The following PLIN2 variants were observed in gnomAD, a reference collection of about 807,000 sequenced individuals.
PLIN2 encodes the protein perilipin-2.
A neutral mutation model predicts 30.6 loss-of-function variants in PLIN2; 33 were observed. The ratio of observed to expected loss-of-function variants is 1.08; its 90% confidence interval spans 0.82 to 1.44. PLIN2 has a LOEUF of 1.44. Ranked by LOEUF, PLIN2 falls within the 40% of genes most tolerant of loss-of-function variation. The probability of loss-of-function intolerance (pLI) is 0.00; values close to 1 mark genes in which losing one functional copy is unlikely to be tolerated. For missense variants in PLIN2, 610 were observed against 531.8 expected, an observed-to-expected ratio of 1.15 and a Z score of -1.45; for synonymous variants, 205 against 201.1, an observed-to-expected ratio of 1.02 and a Z score of -0.16.
At position 19,126,287 on chromosome 9, in the gene PLIN2, T is replaced by C. The variant is rs202143072; in HGVS notation, c.53A>G (p.Asn18Ser). 1.5e-5 allele frequency: 25 copies of C among 1,614,036 alleles called. No individual in the cohort carries two copies. Among genetic ancestry groups the C allele is most frequent in the Middle Eastern group, 1.6e-4 (1 of 6,062 alleles). The change falls in exon 3 of 8, where the codon AAC (asparagine) becomes AGC (serine). Residue 18 changes from asparagine (N) to serine (S), a missense_variant. By Grantham distance (46) the Asn-to-Ser change is conservative. Coordinates refer to ENST00000276914, the MANE Select transcript of PLIN2 (RefSeq NM_001122.4). ...PQPSVVTRVV[N>S]LPLVSSTYDL... ...ATACGTGGAGCTCACCAAGGGCAGG[T>C]TGACCACCCGAGTCACCACACTCTG...
intron 3 of PLIN2, 96 bp from the exon 4 acceptor site, chr9:19,123,743 G>A (rs1588647180): frequency 3.7e-6 from 4 of 1,083,462 alleles, no homozygotes; most frequent in Non-Finnish European, 4.0e-6. Flanking sequence ...ATAATGGGCT[G>A]GGCACGGTGG....
At chr9:19,112,898 C>T (rs926626452), downstream of PLIN2, among the ~76,000 whole-genome samples, 1 of 152,020 alleles carries the variant, frequency 6.6e-6, no homozygotes, top group African/African-American at 2.4e-5. Context: ...TTTTATTCTG[C>T]CCCTGCTCAG....
intron 4 of PLIN2, 97 bp from the exon 5 acceptor site, chr9:19,121,262 G>A (rs1295253527): frequency 3.1e-5 from 34 of 1,081,512 alleles, no homozygotes; most frequent in Middle Eastern, 2.6e-4. Flanking sequence ...AAGAGTTAAA[G>A]AAGGAATCTA....
At chr9:19,118,193 A>C (rs779969766) in intron 7 of PLIN2, 128 bp downstream of exon 7, 20 of 891,716 alleles carry the variant, frequency 2.2e-5, no homozygotes, top group Middle Eastern at 2.3e-4. Context: ...CTAGCCACCT[A>C]TGTACATGGT....
chr9:19,114,130 G>A (rs1380242495), downstream of PLIN2, among the ~76,000 whole-genome samples: 1 of 152,020 alleles, frequency 6.6e-6, no homozygotes, highest in Non-Finnish European at 1.5e-5. Flanking sequence ...GGCCAGGCTG[G>A]TCTCAAACTC....
At chr9:19,120,168 C>T (rs1227313326) in intron 5 of PLIN2, among the ~76,000 whole-genome samples, 1 of 151,966 alleles carries the variant, frequency 6.6e-6, no homozygotes, top group Non-Finnish European at 1.5e-5. Context: ...AACTGATCCT[C>T]TCACCTCAGC....
At chr9:19,122,777 C>T (rs965163790) in intron 4 of PLIN2, among the ~76,000 whole-genome samples, 1 of 152,026 alleles carries the variant, frequency 6.6e-6, no homozygotes, top group African/African-American at 2.4e-5. Context: ...CGTGCATGCT[C>T]CTTATGAGAA....
chr9:19,110,099 C>G (rs563621856), intron 2 of PLIN2, among the ~76,000 whole-genome samples: 4 of 152,246 alleles, frequency 2.6e-5, no homozygotes, highest in Admixed American at 2.0e-4. Context: ...TCTCAGCTGT[C>G]TGCAACCTCA....
At position 19,116,662 on chromosome 9, in the gene PLIN2, C is replaced by T. The variant is rs1818233212; in HGVS notation, c.913-13G>A. 1 of 1,606,086 alleles carries T rather than the reference C, an allele frequency of 6.2e-7. No homozygotes were observed. The highest frequency in any genetic ancestry group is 8.5e-7 in the Non-Finnish European group (1 of 1,174,224). On this transcript the variant is annotated splice_polypyrimidine_tract_variant and intron_variant, in intron 7 of 7. Coordinates refer to ENST00000276914, the MANE Select transcript of PLIN2 (RefSeq NM_001122.4). ...GTGACTCAATGTGCTAAAAATAAAACTTAAAATTAGCAGTGGATCCAACAG... is the reference window on the plus strand; with the variant it reads ...GTGACTCAATGTGCTAAAAATAAAATTTAAAATTAGCAGTGGATCCAACAG...
chr9:19,114,285 A>G (rs1278907752), downstream of PLIN2, among the ~76,000 whole-genome samples: 1 of 152,168 alleles, frequency 6.6e-6, no homozygotes, highest in Non-Finnish European at 1.5e-5. Context: ...CCTTGTTTTC[A>G]TGGAGAGAAA....
At chr9:19,125,103 G>A (rs1399858337) in intron 3 of PLIN2, among the ~76,000 whole-genome samples, 1 of 152,194 alleles carries the variant, frequency 6.6e-6, no homozygotes, top group Non-Finnish European at 1.5e-5. Flanking sequence ...CTAAGTATGA[G>A]AGTATGAGAT....
chr9:19,117,254 G>C lies in PLIN2; in HGVS notation c.913-605C>G, dbSNP rs117881925. Among the ~76,000 whole-genome samples the C allele has an allele frequency of 2.6e-4, 40 of 151,438 alleles. No individual in the cohort carries two copies. The East Asian group carries it at 4.5e-3, about 17-fold the overall frequency. The stretch of plus-strand genomic sequence containing the variant: ...TGGCTCACTGCGGACCCGACCTCTC[G>C]GGCTTAGGTGATCCTCCCACCTCAG... On this transcript the variant is annotated intron_variant, in intron 7 of 7. Coordinates refer to ENST00000276914, the MANE Select transcript of PLIN2 (RefSeq NM_001122.4).
In PLIN2 at chr9:19,126,406, A is replaced by C. The variant is rs756045248; in HGVS notation, c.21T>G (p.Asp7Glu). The C allele has an allele frequency of 6.2e-7, 1 of 1,613,880 alleles. No homozygotes were observed. The highest frequency in any genetic ancestry group is 1.1e-5 in the South Asian group (1 of 91,068). The change falls in exon 2 of 8, where the codon GAT (aspartate) becomes GAG (glutamate). Residue 7 changes from aspartate (D) to glutamate (E), a missense_variant. Asp to Glu is a conservative substitution (Grantham distance 45). Transcript: ENST00000276914. ...TACTCAAAATTCATACCGGTTGTGG[A>C]TCAACTGCAACGGATGCCATTTTTC... MASVAV[D>E]PQPSVVTRVV...
chr9:19,108,603 T>C (rs1818121499), exon 3 of PLIN2: 1 of 152,662 alleles, frequency 6.6e-6, no homozygotes, highest in Admixed American at 6.5e-5. Flanking sequence ...GGGTATTTTA[T>C]TGTTGTTAGT....
chr9:19,126,735 T>C (rs1818406877), intron 1 of PLIN2, among the ~76,000 whole-genome samples: 1 of 152,040 alleles, frequency 6.6e-6, no homozygotes, highest in East Asian at 1.9e-4. Context: ...TTTCTCCGAG[T>C]ATCTGTTAAC....
At position 19,116,273 on chromosome 9, in the gene PLIN2, T is replaced by A. The variant is rs758554042; in HGVS notation, c.1289A>T (p.Gln430Leu). 1 of 1,603,694 alleles carries A rather than the reference T, an allele frequency of 6.2e-7. No individual in the cohort carries two copies. Among genetic ancestry groups the A allele is most frequent in the East Asian group, 2.2e-5 (1 of 44,696 alleles). ...AEMDKSSQET[Q>L]RSEHKTH ...TTAATGAGTTTTATGCTCAGATCGCTGGGTCTCCTGGCTGCTCTTGTCCAT... is the reference window on the plus strand; with the variant it reads ...TTAATGAGTTTTATGCTCAGATCGCAGGGTCTCCTGGCTGCTCTTGTCCAT... The change falls in exon 8 of 8, where the codon CAG becomes CTG. Residue 430 changes from glutamine (Q) to leucine (L), a missense_variant. Gln to Leu is a moderately radical substitution (Grantham distance 113, BLOSUM62 -2). Transcript: ENST00000276914.
At chr9:19,122,504 T>A (rs147878343) in intron 4 of PLIN2, among the ~76,000 whole-genome samples, 2 of 146,868 alleles carry the variant, frequency 1.4e-5, no homozygotes, top group African/African-American at 5.1e-5. Context: ...AGCCTAGGTA[T>A]ATAGCAGGCT....
chr9:19,109,882 G>T (rs1324968440), intron 2 of PLIN2, among the ~76,000 whole-genome samples: 6 of 151,796 alleles, frequency 4.0e-5, no homozygotes, highest in Admixed American at 3.9e-4. Context: ...CTTGAACCCA[G>T]GAGGCAGAGG....
chr9:19,124,219 A>G (rs1204823112), intron 3 of PLIN2, among the ~76,000 whole-genome samples: 2 of 152,116 alleles, frequency 1.3e-5, no homozygotes, highest in East Asian at 3.8e-4. Flanking sequence ...TTCCTTATCA[A>G]CTGGCCCCTA....
Sources: allele counts gnomAD v4.1 joint callset (sites outside exome capture counted in the v4.1 genomes callset), GRCh38; gene constraint gnomAD v4.1.1; transcripts MANE v1.5; gene names NCBI Gene and HGNC (gene_info 2026-07-23, HGNC 2026-07-21).